The following TFEC variants were observed in gnomAD, a reference collection of about 807,000 sequenced individuals.
TFEC encodes transcription factor EC, also known as class E basic helix-loop-helix protein 34.
A neutral mutation model predicts 41.6 loss-of-function variants in TFEC; 31 were observed. The ratio of observed to expected loss-of-function variants is 0.74; its 90% CI spans 0.56 to 1.01. The LOEUF (loss-of-function observed/expected upper bound fraction) is 1.01. Ranked by LOEUF, TFEC falls within the 50% of genes least tolerant of loss-of-function variation. TFEC has a pLI of 0.00. For missense variants in TFEC, 402 were observed against 404.1 expected (o/e 0.99, Z 0.04); for synonymous variants, 143 against 140.6 (o/e 1.02, Z -0.12).
intron 1 of TFEC, among the ~76,000 whole-genome samples, chr7:116,011,103 T>A (rs1794984050): frequency 6.6e-6 from 1 of 152,282 alleles, no homozygotes; most frequent in African/African-American, 2.4e-5. Context: ...AGAGTAAATA[T>A]TCGTATGCTT....
At chr7:115,968,984 A>T (rs1220895212) in intron 3 of TFEC, among the ~76,000 whole-genome samples, 2 of 151,892 alleles carry the variant, frequency 1.3e-5, no homozygotes, top group Non-Finnish European at 2.9e-5. Context: ...TCACCTAGTA[A>T]GTAACCAATG....
intron 2 of TFEC, among the ~76,000 whole-genome samples, chr7:115,977,229 C>T (rs1793423133): frequency 6.6e-6 from 1 of 151,972 alleles, no homozygotes; most frequent in South Asian, 2.1e-4. Context: ...ATAAGAATTA[C>T]AAACCCGCAA....
At chr7:116,151,299 G>GT (rs1798756079) in intron 1 of TFEC, among the ~76,000 whole-genome samples, 1 of 140,890 alleles carries the variant, frequency 7.1e-6, no homozygotes, top group African/African-American at 2.7e-5. Flanking sequence ...CTGGGGTGCA[G>GT]TTGCACGATC....
chr7:116,051,784 T>A (rs1796318561), intron 3 of TFEC, among the ~76,000 whole-genome samples: 2 of 152,144 alleles, frequency 1.3e-5, no homozygotes, highest in Non-Finnish European at 2.9e-5. Context: ...CTGTGGTCAG[T>A]ACTTTTCATG....
At chr7:116,083,628 AT>A (rs1343596871) in intron 3 of TFEC, among the ~76,000 whole-genome samples, 1 of 151,968 alleles carries the variant, frequency 6.6e-6, no homozygotes, top group Non-Finnish European at 1.5e-5. Flanking sequence ...AATACAAAGA[AT>A]ATAAACCTTC....
rs879127781 is a variant in TFEC, at chr7:115,950,940, C to T, written c.449G>A (p.Arg150Lys). Residue 150 changes from arginine (R) to lysine (K), a missense_variant, in exon 6 of 8, where the codon AGA becomes AAA. By Grantham distance (26) the Arg-to-Lys change is conservative. Coordinates refer to ENST00000265440, the MANE Select transcript of TFEC (RefSeq NM_012252.4). The part of the protein sequence containing the change: ...KKDNHNLIER[R>K]RRYNINYRIK... The stretch of plus-strand genomic sequence containing the variant: ...TCGGTAATTAATATTATACCTTCTT[C>T]TTCTTTCAACTATTAAAGAAGAAAT... The T allele has an allele frequency of 6.3e-7, 1 of 1,577,630 alleles. No individual in the cohort carries two copies.
intron 3 of TFEC, among the ~76,000 whole-genome samples, chr7:116,045,382 T>C (rs1205616710): frequency 6.6e-6 from 1 of 152,208 alleles, no homozygotes; most frequent in Non-Finnish European, 1.5e-5. Flanking sequence ...AAAAGACATT[T>C]CTAAGAAGCA....
chr7:116,000,331 A>T (rs1000777672), intron 1 of TFEC, among the ~76,000 whole-genome samples: 6 of 152,146 alleles, frequency 3.9e-5, no homozygotes, highest in Admixed American at 1.3e-4. Context: ...AAAGCCACAT[A>T]GGACAGACCC....
At chr7:115,948,652 T>G (rs1219163755) in intron 6 of TFEC, among the ~76,000 whole-genome samples, 1 of 151,718 alleles carries the variant, frequency 6.6e-6, no homozygotes, top group South Asian at 2.1e-4. Context: ...TCAACAACCC[T>G]TCATGCTAAA....
chr7:116,110,216 A>T (rs1797822013), intron 3 of TFEC, among the ~76,000 whole-genome samples: 1 of 152,206 alleles, frequency 6.6e-6, no homozygotes, highest in African/African-American at 2.4e-5. Context: ...CCTAGAACCT[A>T]AAGTATAATA....
intron 1 of TFEC, among the ~76,000 whole-genome samples, chr7:115,986,393 T>C (rs1793857028): frequency 6.6e-6 from 1 of 152,050 alleles, no homozygotes; most frequent in African/African-American, 2.4e-5. Flanking sequence ...ACCATTCAGC[T>C]AGTGAGAGAA....
At chr7:116,129,586 C>CTTTTTTTT (rs932837265) in intron 1 of TFEC, among the ~76,000 whole-genome samples, 9 of 106,888 alleles carry the variant, frequency 8.4e-5, no homozygotes, top group East Asian at 2.6e-4. Context: ...AATATTCTTA[C>CTTTTTTTT]TTTTTTTTTT....
At chr7:116,041,658 C>G (rs1796040015) in intron 3 of TFEC, among the ~76,000 whole-genome samples, 1 of 152,138 alleles carries the variant, frequency 6.6e-6, no homozygotes, top group Non-Finnish European at 1.5e-5. Context: ...GTGTATAGAT[C>G]TTGCTAATCA....
intron 3 of TFEC, among the ~76,000 whole-genome samples, chr7:116,101,006 T>C (rs1797590845): frequency 6.6e-6 from 1 of 152,124 alleles, no homozygotes; most frequent in Non-Finnish European, 1.5e-5. Context: ...CTATTAGTTA[T>C]TTAGAAGTTC....
At chr7:115,980,616 G>A (rs1793583654) in intron 2 of TFEC, among the ~76,000 whole-genome samples, 1 of 152,050 alleles carries the variant, frequency 6.6e-6, no homozygotes, top group African/African-American at 2.4e-5. Context: ...TGGGCGTGGT[G>A]GCTTGTGCCT....
chr7:115,969,528 GATA>G (rs1793034650), intron 3 of TFEC, among the ~76,000 whole-genome samples: 1 of 151,908 alleles, frequency 6.6e-6, no homozygotes, highest in South Asian at 2.1e-4. Context: ...GTTGTAAGAT[GATA>G]ATATTCCTGT....
chr7:116,006,237 G>T (rs1301796107), intron 1 of TFEC, among the ~76,000 whole-genome samples: 2 of 152,130 alleles, frequency 1.3e-5, no homozygotes, highest in African/African-American at 4.8e-5. Flanking sequence ...ACCCCAGAAT[G>T]GTAGATCCAC....
At position 115,938,318 on chromosome 7, in the gene TFEC, A is replaced by C. The variant is rs969657613; in HGVS notation, c.*2233T>G. The C allele has an allele frequency of 6.6e-6, 1 of 152,028 alleles. No homozygotes were observed. The highest frequency in any genetic ancestry group is 1.5e-5 in the Non-Finnish European group (1 of 67,926). The allele number at this position is 152,028 out of a possible 1,614,324, so 9.4% of individuals were successfully genotyped here. On this transcript the variant is annotated 3_prime_UTR_variant, in exon 8 of 8. Coordinates refer to ENST00000265440, the MANE Select transcript of TFEC (RefSeq NM_012252.4). Reference sequence around the variant, plus strand: ...AAGTGGTGTGTTTTCTATGAACTCCAAAATATATTCCTTATCTATAATTTT... The same window carrying C: ...AAGTGGTGTGTTTTCTATGAACTCCCAAATATATTCCTTATCTATAATTTT...
At chr7:116,047,310 C>T (rs542342308) in intron 3 of TFEC, among the ~76,000 whole-genome samples, 11 of 152,248 alleles carry the variant, frequency 7.2e-5, no homozygotes, top group East Asian at 1.9e-4. Flanking sequence ...CCTAATACTG[C>T]GCTTTTCCAA....
Sources: allele counts gnomAD v4.1 joint callset (sites outside exome capture counted in the v4.1 genomes callset), GRCh38; gene constraint gnomAD v4.1.1; transcripts MANE v1.5; gene names NCBI Gene and HGNC (gene_info 2026-07-23, HGNC 2026-07-21).